GRM5: variants seen among roughly 807,000 people sequenced by gnomAD.
GRM5 encodes the protein glutamate metabotropic receptor 5.
In GRM5, 19 loss-of-function variants were observed where a neutral mutation model predicts 83.1. The ratio of observed to expected loss-of-function variants is 0.23; its 90% CI spans 0.16 to 0.34. The LOEUF (loss-of-function observed/expected upper bound fraction) is 0.34. Ranked by LOEUF, GRM5 falls within the 10% of genes least tolerant of loss-of-function variation. The probability of loss-of-function intolerance (pLI) is 1.00; values close to 1 mark genes in which losing one functional copy is unlikely to be tolerated. For synonymous variants in GRM5, 675 were observed against 633.6 expected, an observed-to-expected ratio of 1.07 and a Z score of -0.98; for missense variants, 1,160 against 1,588.3, an observed-to-expected ratio of 0.73 and a Z score of 4.58.
chr11:88,675,218 A>G (rs1940296410), intron 3 of GRM5, among the ~76,000 whole-genome samples: 1 of 151,956 alleles, frequency 6.6e-6, no homozygotes, highest in Non-Finnish European at 1.5e-5. Flanking sequence ...CCTTAGCGTG[A>G]ATGACATTGT....
intron 2 of GRM5, among the ~76,000 whole-genome samples, chr11:88,875,310 T>G (rs1374800525): frequency 6.6e-6 from 1 of 152,030 alleles, no homozygotes; most frequent in East Asian, 1.9e-4. Flanking sequence ...GCTTATCTAT[T>G]AGAAGCAACT....
intron 4 of GRM5, among the ~76,000 whole-genome samples, chr11:88,628,745 C>G (rs917619775): frequency 1.3e-5 from 2 of 152,160 alleles, no homozygotes; most frequent in Admixed American, 1.3e-4. Context: ...ACAACAGACT[C>G]AAATAACCAG....
chr11:88,801,202 T>A (rs1943386524), intron 3 of GRM5, among the ~76,000 whole-genome samples: 1 of 152,080 alleles, frequency 6.6e-6, no homozygotes, highest in African/African-American at 2.4e-5. Context: ...AAATAATTGC[T>A]GGTAGGGAAT....
At chr11:88,921,940 T>A (rs1368326960) in intron 2 of GRM5, among the ~76,000 whole-genome samples, 1 of 150,774 alleles carries the variant, frequency 6.6e-6, no homozygotes, top group African/African-American at 2.4e-5. Flanking sequence ...TATTTCTATA[T>A]GCCAACAGTG....
intron 2 of GRM5, among the ~76,000 whole-genome samples, chr11:89,036,416 A>T (rs1200285750): frequency 1.3e-5 from 2 of 152,150 alleles, no homozygotes; most frequent in Admixed American, 1.3e-4. Flanking sequence ...CTGGGCAATG[A>T]TGAATTGAAA....
chr11:88,708,336 T>A (rs1941206713), intron 3 of GRM5, among the ~76,000 whole-genome samples: 2 of 152,098 alleles, frequency 1.3e-5, no homozygotes, highest in Admixed American at 6.6e-5. Flanking sequence ...CAGGGAATAA[T>A]TTTTTCAGCA....
At chr11:89,034,319 A>G (rs1941332993) in intron 2 of GRM5, among the ~76,000 whole-genome samples, 1 of 152,020 alleles carries the variant, frequency 6.6e-6, no homozygotes, top group African/African-American at 2.4e-5. Context: ...TACTTACTAC[A>G]CCATCTACGG....
At chr11:88,735,848 G>C (rs1211378944) in intron 3 of GRM5, among the ~76,000 whole-genome samples, 1 of 151,980 alleles carries the variant, frequency 6.6e-6, no homozygotes, top group Non-Finnish European at 1.5e-5. Flanking sequence ...CCAGCCACAG[G>C]CTCTTTCCCA....
chr11:88,754,432 A>T (rs919784164), intron 3 of GRM5, among the ~76,000 whole-genome samples: 1 of 152,158 alleles, frequency 6.6e-6, no homozygotes, highest in African/African-American at 2.4e-5. Flanking sequence ...TGAACTTAAA[A>T]TAAAAGTTGA....
chr11:88,676,617 G>A (rs1940335628), intron 3 of GRM5, among the ~76,000 whole-genome samples: 1 of 151,988 alleles, frequency 6.6e-6, no homozygotes, highest in African/African-American at 2.4e-5. Flanking sequence ...TTACTGCCTA[G>A]CACAATATAT....
intron 3 of GRM5, among the ~76,000 whole-genome samples, chr11:88,692,263 T>C (rs1006337136): frequency 5.9e-5 from 9 of 152,208 alleles, no homozygotes; most frequent in Non-Finnish European, 1.0e-4. Context: ...TGTGGGCTCC[T>C]TAAAGGCAGA....
chr11:89,037,179 G>C (rs954883581), intron 2 of GRM5, among the ~76,000 whole-genome samples: 2 of 151,900 alleles, frequency 1.3e-5, no homozygotes, highest in African/African-American at 4.8e-5. Flanking sequence ...TGTATGTGTG[G>C]GGGGGAGTTA....
chr11:88,850,502 C>T (rs1316126825), intron 2 of GRM5, among the ~76,000 whole-genome samples: 1 of 151,794 alleles, frequency 6.6e-6, no homozygotes, highest in Non-Finnish European at 1.5e-5. Context: ...TATCTCACTT[C>T]CCTTTACTTC....
intron 3 of GRM5, among the ~76,000 whole-genome samples, chr11:88,815,863 G>A (rs999345050): frequency 3.3e-5 from 5 of 152,156 alleles, no homozygotes; most frequent in Non-Finnish European, 5.9e-5. Flanking sequence ...TGGGGGACAA[G>A]CATGCAAACC....
intron 3 of GRM5, among the ~76,000 whole-genome samples, chr11:88,806,720 C>A (rs1325628377): frequency 6.6e-6 from 1 of 152,150 alleles, no homozygotes; most frequent in Non-Finnish European, 1.5e-5. Flanking sequence ...CCCTTCAACA[C>A]CCTCATCCTG....
chr11:88,942,708 T>C (rs1938153667), intron 2 of GRM5, among the ~76,000 whole-genome samples: 1 of 150,916 alleles, frequency 6.6e-6, no homozygotes, highest in Admixed American at 6.7e-5. Flanking sequence ...GATTTGTCAT[T>C]TTCCCTGTAA....
At chr11:88,610,288 T>C (rs555623630) in intron 4 of GRM5, among the ~76,000 whole-genome samples, 2 of 152,316 alleles carry the variant, frequency 1.3e-5, no homozygotes, top group East Asian at 3.9e-4. Context: ...AATAGCAATG[T>C]ATCTGTAAAT....
intron 3 of GRM5, among the ~76,000 whole-genome samples, chr11:88,768,714 G>C (rs971454245): frequency 1.5e-4 from 23 of 151,916 alleles, no homozygotes; most frequent in African/African-American, 5.1e-4. Flanking sequence ...AGAGTGAATG[G>C]GGAGAGAGAT....
intron 2 of GRM5, among the ~76,000 whole-genome samples, chr11:88,866,072 A>T (rs1397482233): frequency 6.6e-6 from 1 of 152,090 alleles, no homozygotes; most frequent in Admixed American, 6.6e-5. Context: ...TACCCAAAAG[A>T]TTATAAATCA....
Sources: allele counts gnomAD v4.1 joint callset (sites outside exome capture counted in the v4.1 genomes callset), GRCh38; gene constraint gnomAD v4.1.1; transcripts MANE v1.5; gene names NCBI Gene and HGNC (gene_info 2026-07-23, HGNC 2026-07-21).